ADAMTS2: variants seen among roughly 807,000 people sequenced by gnomAD.
ADAMTS2 encodes A disintegrin and metalloproteinase with thrombospondin motifs 2.
In ADAMTS2, 50 loss-of-function variants were observed where a neutral mutation model predicts 123.0. That is an observed-to-expected ratio of 0.41 (90% CI 0.32 to 0.51). The LOEUF is 0.51. Ranked by LOEUF, ADAMTS2 falls within the 20% of genes least tolerant of loss-of-function variation. The probability of loss-of-function intolerance (pLI) is 0.35; values close to 1 mark genes in which losing one functional copy is unlikely to be tolerated. For missense variants in ADAMTS2, 1,494 were observed against 1,705.2 expected, an observed-to-expected ratio of 0.88 and a Z score of 2.18; for synonymous variants, 678 against 695.4, an observed-to-expected ratio of 0.98 and a Z score of 0.39.
At position 179,214,607 on chromosome 5, in the gene ADAMTS2, A is replaced by C. The variant is rs1021975034; in HGVS notation, c.689-6892T>G. On this transcript the variant is annotated intron_variant, in intron 3 of 21. Transcript: ENST00000251582. ...AGCAGAGTGGAAAAAAGAGCTTATC[A>C]GCTATAACAGCAAAACTCCCAAGTA... is the stretch of plus-strand genomic sequence containing the variant. 2.6e-5 allele frequency among the ~76,000 whole-genome samples: 4 copies of C among 152,232 alleles called. No homozygotes were observed. In the East Asian group the frequency reaches 7.7e-4, roughly 29 times the overall value.
rs373298690 is a variant in ADAMTS2, at chr5:179,188,037, G to T, written c.892-6882C>A. Among the ~76,000 whole-genome samples the T allele has an allele frequency of 3.8e-4, 58 of 152,196 alleles. No homozygotes were observed. The South Asian group carries it at 0.011, about 29-fold the overall frequency. ...TTGTCCTCTGCCAAGGTGGGGGAGGGGTGCAGAAAGGGGGGAACCGGTGCA... is the reference window on the plus strand; with the variant it reads ...TTGTCCTCTGCCAAGGTGGGGGAGGTGTGCAGAAAGGGGGGAACCGGTGCA... On this transcript the variant is annotated intron_variant, in intron 4 of 21. Coordinates refer to ENST00000251582, the MANE Select transcript of ADAMTS2 (RefSeq NM_014244.5). The surrounding 1 kb of genome is among the most constrained non-coding windows in gnomAD (Gnocchi z 5.1).
chr5:179,159,374 T>C (rs1371600759), intron 5 of ADAMTS2, among the ~76,000 whole-genome samples: 1 of 152,192 alleles, frequency 6.6e-6, no homozygotes. Context: ...GTTCCCCCCG[T>C]GTGAAGGTAC....
chr5:179,266,701 C>T (rs1180478825), intron 3 of ADAMTS2, among the ~76,000 whole-genome samples: 5 of 152,226 alleles, frequency 3.3e-5, no homozygotes, highest in Non-Finnish European at 5.9e-5. Context: ...CAGAAAGGCT[C>T]TCTGACCTGG....
chr5:179,224,502 T>A (rs949167386), intron 3 of ADAMTS2, among the ~76,000 whole-genome samples: 1 of 152,206 alleles, frequency 6.6e-6, no homozygotes, highest in African/African-American at 2.4e-5. Flanking sequence ...ACTCTCCCAA[T>A]TTTCCTTGGA....
intron 4 of ADAMTS2, among the ~76,000 whole-genome samples, chr5:179,183,870 A>G (rs372210406): frequency 1.3e-5 from 2 of 152,292 alleles, no homozygotes; most frequent in Admixed American, 6.5e-5. Flanking sequence ...CCCTCATGAT[A>G]GGGTTAGTGT....
intron 3 of ADAMTS2, among the ~76,000 whole-genome samples, chr5:179,258,910 C>G (rs924410338): frequency 1.1e-4 from 17 of 152,164 alleles, no homozygotes; most frequent in African/African-American, 3.9e-4. Flanking sequence ...CTCCCAACAC[C>G]CTTCCTGCAC....
In ADAMTS2 at chr5:179,113,854, T is replaced by C; in HGVS notation, c.*13A>G. On this transcript the variant is annotated 3_prime_UTR_variant, in exon 22 of 22. Transcript: ENST00000251582. ...CAAGAAAAAAATGCTAGGGATGCTA[T>C]CTTTCCATTTTATTAGAACTTTCCG... 6.2e-7 allele frequency: 1 copy of C among 1,612,616 alleles called. No individual in the cohort carries two copies. The highest frequency in any genetic ancestry group is 8.5e-7 in the Non-Finnish European group (1 of 1,178,562).
rs1417947464 is a variant in ADAMTS2, at chr5:179,345,191, TG to T, written c.137del (p.Pro46GlnfsTer119). 1 of 1,108,048 alleles carries T rather than the reference TG, an allele frequency of 9.0e-7. No homozygotes were observed. Among genetic ancestry groups the T allele is most frequent in the Non-Finnish European group, 1.1e-6 (1 of 914,710 alleles). 68.6% of individuals were successfully genotyped at this position (1,108,048 alleles called of 1,614,324 possible). ...NARLAAAADP[P>X]GGPLGHGAER... is the part of the protein sequence containing the mutation. The stretch of plus-strand genomic sequence containing the variant: ...GAGTAGGGGCCGGGCCGCACCTACC[TG>T]GGGGGTCGGCGGCGGCGGCGAGCCT... On this transcript the variant is annotated frameshift_variant and splice_region_variant, in exon 1 of 22. Transcript: ENST00000251582. LOFTEE classifies it high-confidence loss of function. This position sits in a 1 kb window ranked among gnomAD's most constrained non-coding sequence, Gnocchi z 7.5.
At chr5:179,333,656 G>C (rs924395400) in intron 2 of ADAMTS2, among the ~76,000 whole-genome samples, 5 of 140,872 alleles carry the variant, frequency 3.5e-5, no homozygotes, top group African/African-American at 1.3e-4. Context: ...CTGGAGTGCA[G>C]TGGCGCAATT....
At chr5:179,233,928 C>T (rs1016669697) in intron 3 of ADAMTS2, among the ~76,000 whole-genome samples, 1 of 152,122 alleles carries the variant, frequency 6.6e-6, no homozygotes. Context: ...CCAAGCCAAA[C>T]ATCCTCTCCC....
intron 2 of ADAMTS2, among the ~76,000 whole-genome samples, chr5:179,274,077 C>T (rs1229606534): frequency 4.0e-5 from 6 of 151,488 alleles, no homozygotes; most frequent in South Asian, 2.1e-4. Context: ...GACCCCCTCA[C>T]CTCTCCTGCC....
At chr5:179,304,999 G>T (rs1462862707) in intron 2 of ADAMTS2, among the ~76,000 whole-genome samples, 1 of 149,578 alleles carries the variant, frequency 6.7e-6, no homozygotes, top group Non-Finnish European at 1.5e-5. Context: ...GATAACTGCA[G>T]ATTTCTTATC....
At chr5:179,168,883 G>C (rs1763763645) in intron 5 of ADAMTS2, among the ~76,000 whole-genome samples, 1 of 152,166 alleles carries the variant, frequency 6.6e-6, no homozygotes, top group African/African-American at 2.4e-5. Flanking sequence ...GCTGGGGCAG[G>C]AGGCGTGCAC....
chr5:179,259,239 T>C (rs1012310551), intron 3 of ADAMTS2, among the ~76,000 whole-genome samples: 2 of 152,146 alleles, frequency 1.3e-5, no homozygotes, highest in Non-Finnish European at 2.9e-5. Context: ...CTTTTCCTCC[T>C]GGGGAACTGC....
chr5:179,341,582 A>G (rs340112), intron 2 of ADAMTS2, among the ~76,000 whole-genome samples: 151,487 of 151,998 alleles, frequency 1, 75,495 homozygotes, highest in Middle Eastern at 1. Flanking sequence ...ACGTGGTGGC[A>G]GGCGCCTGTA....
rs6601019 is a variant in ADAMTS2 at position 179,126,449 on chromosome 5, A to G, written c.2618-319T>C. On this transcript the variant is annotated intron_variant, in intron 17 of 21. Coordinates refer to ENST00000251582, the MANE Select transcript of ADAMTS2 (RefSeq NM_014244.5). Reference sequence around the variant, plus strand: ...TCTACCTTGACCTCACATGCCCAGCAGGCCTGGTGCAAGCCAGGAGCCGGG... The same window carrying G: ...TCTACCTTGACCTCACATGCCCAGCGGGCCTGGTGCAAGCCAGGAGCCGGG... Among the ~76,000 whole-genome samples, 29,069 of 152,222 alleles carry G rather than the reference A, an allele frequency of 0.19. 3,165 individuals are homozygous for G. The highest frequency in any genetic ancestry group is 0.33 in the East Asian group (1,719 of 5,166).
intron 3 of ADAMTS2, among the ~76,000 whole-genome samples, chr5:179,265,770 C>T (rs944601413): frequency 2.0e-5 from 3 of 152,350 alleles, no homozygotes; most frequent in Admixed American, 6.5e-5. Flanking sequence ...CCGGTCTGCA[C>T]GAGGACAGGA....
rs1174027947 is a variant in ADAMTS2, at chr5:179,155,488, G to A, written c.1133-569C>T. Among the ~76,000 whole-genome samples, 2 of 152,180 alleles carry A rather than the reference G, an allele frequency of 1.3e-5. No homozygotes were observed. The highest frequency in any genetic ancestry group is 2.4e-5 in the African/African-American group (1 of 41,444). ...CAGAAGGCTGCAAAGCTGTTCAGCC[G>A]ATGGGCCACACTACCCTGCAGAATA... is the stretch of plus-strand genomic sequence containing the variant. On this transcript the variant is annotated intron_variant, in intron 6 of 21. Coordinates refer to ENST00000251582, the MANE Select transcript of ADAMTS2 (RefSeq NM_014244.5). The surrounding 1 kb of genome is among the most constrained non-coding windows in gnomAD (Gnocchi z 5.1).
At chr5:179,297,333 C>T (rs957970148) in intron 2 of ADAMTS2, among the ~76,000 whole-genome samples, 4 of 152,178 alleles carry the variant, frequency 2.6e-5, no homozygotes, top group African/African-American at 7.2e-5. Flanking sequence ...CCGGCCTCCC[C>T]TGCCTGCCTG....
Sources: allele counts gnomAD v4.1 joint callset (sites outside exome capture counted in the v4.1 genomes callset), GRCh38; gene constraint gnomAD v4.1.1; non-coding constraint Gnocchi (gnomAD v3.1); transcripts MANE v1.5; gene names NCBI Gene and HGNC (gene_info 2026-07-23, HGNC 2026-07-21).